The following CENPN variants were observed in gnomAD, a reference collection of about 807,000 sequenced individuals.
The protein encoded by CENPN is centromere protein N.
In CENPN, 36 loss-of-function variants were observed where a neutral mutation model predicts 48.6. The ratio of observed to expected loss-of-function variants is 0.74; its 90% CI spans 0.57 to 0.98. CENPN has a LOEUF of 0.98. CENPN is among the 50% of genes least tolerant of loss of function. CENPN has a pLI of 0.00. For synonymous variants in CENPN, 166 were observed against 135.2 expected, an observed-to-expected ratio of 1.23 and a Z score of -1.58; for missense variants, 439 against 399.2, an observed-to-expected ratio of 1.10 and a Z score of -0.85.
chr16:81,032,978 G>C (rs1420385857), downstream of CENPN: 1 of 236,562 alleles, frequency 4.2e-6, no homozygotes, highest in Non-Finnish European at 8.1e-6. Context: ...CTCGGATCTT[G>C]ATCAAAAAAG....
At chr16:81,016,852 C>T (rs868005888) in intron 3 of CENPN, 2 of 164,720 alleles carry the variant, frequency 1.2e-5, no homozygotes, top group African/African-American at 4.8e-5. Flanking sequence ...GAACTGGGAA[C>T]TAACGCAGGG....
At chr16:81,010,615 C>G (rs549122818) in intron 1 of CENPN, among the ~76,000 whole-genome samples, 1 of 152,306 alleles carries the variant, frequency 6.6e-6, no homozygotes, top group South Asian at 2.1e-4. Context: ...AGTCACAGAT[C>G]CAGCTGTTTA....
rs980059906 is a variant in CENPN at position 81,028,194 on chromosome 16, T to G, written c.834T>G (p.Gly278=). The change falls in exon 10 of 11, where the codon GGT becomes GGG. Residue 278 remains glycine, a synonymous_variant. Coordinates refer to ENST00000305850, the MANE Select transcript of CENPN (RefSeq NM_001100624.3). The part of the protein sequence containing the change: ...QYKLETKFKS[G]LNGSILAERE... The stretch of plus-strand genomic sequence containing the variant: ...AGCTTGAAACGAAATTCAAAAGTGG[T>G]TTAAATGGGAGCATCTTGGCTGAGA... The G allele has an allele frequency of 1.2e-6, 2 of 1,612,656 alleles. No homozygotes were observed. The highest frequency in any genetic ancestry group is 4.5e-5 in the East Asian group (2 of 44,884).
At position 81,028,571 on chromosome 16, in the gene CENPN, A is replaced by C. The variant is rs1279003077; in HGVS notation, c.940A>C (p.Ile314Leu). 1 of 1,589,662 alleles carries C rather than the reference A, an allele frequency of 6.3e-7. No homozygotes were observed. Reference protein sequence around the residue: ...EALKSLAPAGIADAPLSPLLT... With the variant: ...EALKSLAPAGLADAPLSPLLT... ...CTTTTTTTTTTTTTTAATTTCAGGT[A>C]TTGCAGATGCTCCACTTTCTCCACT... is the stretch of plus-strand genomic sequence containing the variant. The change falls in exon 11 of 11, where the codon ATT (isoleucine) becomes CTT (leucine). Residue 314 changes from isoleucine to leucine, a missense_variant and splice_region_variant. Coordinates refer to ENST00000305850, the MANE Select transcript of CENPN (RefSeq NM_001100624.3).
At position 81,011,937 on chromosome 16, in the gene CENPN, G is replaced by C. The variant is rs760655400; in HGVS notation, c.-3G>C. 1 of 1,612,150 alleles carries C rather than the reference G, an allele frequency of 6.2e-7. No homozygotes were observed. Among genetic ancestry groups the C allele is most frequent in the African/African-American group, 1.3e-5 (1 of 74,928 alleles). On this transcript the variant is annotated 5_prime_UTR_variant, in exon 2 of 11. Transcript: ENST00000305850. ...GTTTTTGTTTTGTAAAAGTGCCAAA[G>C]AGATGGATGAGACTGTTGCTGAGTT...
intron 10 of CENPN, 48 bp from the exon 11 acceptor site, chr16:81,028,521 T>C (rs1970614737): frequency 1.3e-6 from 2 of 1,591,558 alleles, no homozygotes; most frequent in Non-Finnish European, 1.7e-6. Context: ...CATCCTCCTG[T>C]GATGACTTTT....
chr16:81,007,794 G>A (rs1969514893), intron 1 of CENPN, among the ~76,000 whole-genome samples: 1 of 152,120 alleles, frequency 6.6e-6, no homozygotes, highest in Admixed American at 6.5e-5. Context: ...ACACTAAAAC[G>A]CTAGGAAGTA....
intron 3 of CENPN, among the ~76,000 whole-genome samples, chr16:81,015,501 A>G (rs567758613): frequency 5.3e-5 from 8 of 152,376 alleles, no homozygotes; most frequent in African/African-American, 1.2e-4. Context: ...ACTAATTGCA[A>G]TCATTATGTA....
chr16:81,023,112 GT>G, intron 7 of CENPN: 1 of 369,710 alleles, frequency 2.7e-6, no homozygotes, highest in Non-Finnish European at 5.0e-6. Context: ...AAAAGCAGTG[GT>G]TTTTTAAATC....
At chr16:81,017,655 T>C in intron 4 of CENPN, 103 bp from the exon 5 acceptor site, 1 of 833,574 alleles carries the variant, frequency 1.2e-6, no homozygotes, top group South Asian at 1.5e-5. Context: ...ATTATTACTC[T>C]GGAATTATAC....
intron 7 of CENPN, chr16:81,024,478 C>T: frequency 2.8e-6 from 1 of 357,044 alleles, no homozygotes; most frequent in South Asian, 3.8e-5. Context: ...TCTGCACTCA[C>T]CAGATCCATT....
intron 7 of CENPN, chr16:81,023,448 T>C (rs1157302033): frequency 1.3e-5 from 2 of 152,926 alleles, no homozygotes; most frequent in East Asian, 3.8e-4. Flanking sequence ...CCCAGCACTT[T>C]AGGAGGCCAA....
chr16:81,028,460 G>A, intron 10 of CENPN, 109 bp from the exon 11 acceptor site: 1 of 1,506,850 alleles, frequency 6.6e-7, no homozygotes, highest in Non-Finnish European at 9.0e-7. Context: ...GGGAGGAGGG[G>A]CATCTATGAT....
intron 2 of CENPN, among the ~76,000 whole-genome samples, chr16:81,013,397 G>C (rs1969818395): frequency 6.6e-6 from 1 of 152,196 alleles, no homozygotes; most frequent in Admixed American, 6.5e-5. Flanking sequence ...AGAGACATGG[G>C]AACCAAGAAG....
chr16:81,020,369 A>T (rs1019666556), intron 6 of CENPN, 93 bp downstream of exon 6: 2 of 1,278,220 alleles, frequency 1.6e-6, no homozygotes, highest in Non-Finnish European at 2.1e-6. Flanking sequence ...TTTGATAGAG[A>T]ATACTAGGCC....
In CENPN at chr16:81,020,228, C is replaced by T. The variant is rs201980821; in HGVS notation, c.483C>T (p.Ala161=). ...TGTACTACTCCCAGACTCCGTACGC[C>T]TTCACGTCCTCCTCCATGCTGAGGC... ...YVVYYSQTPY[A]FTSSSMLRRN... The change falls in exon 6 of 11, where the codon GCC becomes GCT. Residue 161 remains alanine (A), a synonymous_variant. Transcript: ENST00000305850. 9 of 1,614,132 alleles carry T rather than the reference C, an allele frequency of 5.6e-6. No homozygotes were observed. In the Admixed American group the frequency reaches 1.2e-4, roughly 21 times the overall value.
chr16:81,025,988 C>G (rs1970449343), intron 8 of CENPN, among the ~76,000 whole-genome samples: 1 of 150,396 alleles, frequency 6.6e-6, no homozygotes, highest in Non-Finnish European at 1.5e-5. Context: ...CAGGTGTGAG[C>G]CACCGTGCCC....
chr16:81,026,517 C>T lies in CENPN; in HGVS notation c.698-9C>T. 1 of 1,383,774 alleles carries T rather than the reference C, an allele frequency of 7.2e-7. No individual in the cohort carries two copies. Among genetic ancestry groups the T allele is most frequent in the Non-Finnish European group, 1.0e-6 (1 of 983,474 alleles). 85.7% of individuals were successfully genotyped at this position (1,383,774 alleles called of 1,614,324 possible). Reference sequence around the variant, plus strand: ...AACGGCTGTTTTATTTGAAATCTTCCACCCATAGTGGATTCAAGGATCATT... The same window carrying T: ...AACGGCTGTTTTATTTGAAATCTTCTACCCATAGTGGATTCAAGGATCATT... On this transcript the variant is annotated splice_polypyrimidine_tract_variant and intron_variant, in intron 8 of 10. Transcript: ENST00000305850.
chr16:81,026,177 A>G (rs1029554944), intron 8 of CENPN, among the ~76,000 whole-genome samples: 7 of 146,204 alleles, frequency 4.8e-5, no homozygotes, highest in African/African-American at 1.3e-4. Context: ...GTGTATATAT[A>G]TGTGTGTGTA....
Sources: gnomAD v4.1 joint callset for allele counts (sites outside exome capture counted in the v4.1 genomes callset) on GRCh38, gnomAD v4.1.1 for gene constraint, MANE v1.5 for transcripts, NCBI Gene and HGNC (gene_info 2026-07-23, HGNC 2026-07-21) for gene names.